ALKBH4: variants seen among roughly 807,000 people sequenced by gnomAD.
ALKBH4 encodes the protein alkB homolog 4, lysine demethylase.
Under a neutral mutation model 12.1 loss-of-function variants are expected in ALKBH4, and 8 were observed. That is an observed-to-expected ratio of 0.66 (90% CI 0.39 to 1.19). The LOEUF (loss-of-function observed/expected upper bound fraction) is 1.19. ALKBH4 is among the 50% of genes most tolerant of loss of function. The pLI is 0.01. For missense variants in ALKBH4, 403 were observed against 430.4 expected (o/e 0.94, Z 0.56); for synonymous variants, 195 against 191.6 (o/e 1.02, Z -0.15).
rs190658511 is a variant in ALKBH4 at position 102,460,014 on chromosome 7, C to T, written c.124-213G>A. Among the ~76,000 whole-genome samples, 4 of 152,054 alleles carry T rather than the reference C, an allele frequency of 2.6e-5. No individual in the cohort carries two copies. The East Asian group carries it at 5.8e-4, about 22-fold the overall frequency. On this transcript the variant is annotated intron_variant, in intron 1 of 2. Transcript: ENST00000292566. ...ACTAAAAATACAAAAATTAGCCAGG[C>T]ATGGTGGCAGGTGCCTGTAATCCCA...
In ALKBH4 at chr7:102,457,113, G is replaced by A; in HGVS notation, c.*281C>T. ...CAAAGTGTTAGGATTACAGGTGTGA[G>A]CCACTGTGCCCGGCCCCCAGTATTT... On this transcript the variant is annotated 3_prime_UTR_variant, in exon 3 of 3. Coordinates refer to ENST00000292566, the MANE Select transcript of ALKBH4 (RefSeq NM_017621.4). The surrounding 1 kb of genome is among the most constrained non-coding windows in gnomAD (Gnocchi z 5.9). 1 of 358,270 alleles carries A rather than the reference G, an allele frequency of 2.8e-6. No individual in the cohort carries two copies. Among genetic ancestry groups the A allele is most frequent in the Non-Finnish European group, 5.1e-6 (1 of 195,334 alleles). The allele number at this position is 358,270 out of a possible 1,614,324, so 22.2% of individuals were successfully genotyped here.
At position 102,457,159 on chromosome 7, in the gene ALKBH4, T is replaced by G. The variant is rs1563647103; in HGVS notation, c.*235A>C. The G allele has an allele frequency of 2.0e-6, 1 of 490,514 alleles. No individual in the cohort carries two copies. The highest frequency in any genetic ancestry group is 2.0e-5 in the African/African-American group (1 of 51,102). 30.4% of individuals were successfully genotyped at this position (490,514 alleles called of 1,614,324 possible). On this transcript the variant is annotated 3_prime_UTR_variant, in exon 3 of 3. Coordinates refer to ENST00000292566, the MANE Select transcript of ALKBH4 (RefSeq NM_017621.4). The surrounding 1 kb of genome is among the most constrained non-coding windows in gnomAD (Gnocchi z 5.9). ...TATTTTTTAAGCTCAAATGATCCCA[T>G]GTCCCCAAGACTGTGACAAACTAAA...
chr7:102,461,429 C>T (rs568300891), intron 1 of ALKBH4, among the ~76,000 whole-genome samples: 5 of 152,158 alleles, frequency 3.3e-5, no homozygotes, highest in South Asian at 4.1e-4. Flanking sequence ...GGCACGATCT[C>T]GGCTCACTGC....
rs142174091 is a variant in ALKBH4, at chr7:102,456,985, C to T, written c.*409G>A. 7.6e-5 allele frequency: 12 copies of T among 157,906 alleles called. No individual in the cohort carries two copies. The highest frequency in any genetic ancestry group is 1.9e-4 in the African/African-American group (8 of 41,700). The allele number at this position is 157,906 out of a possible 1,614,324, so 9.8% of individuals were successfully genotyped here. On this transcript the variant is annotated 3_prime_UTR_variant, in exon 3 of 3. Transcript: ENST00000292566. Reference sequence around the variant, plus strand: ...CTGGGATTACGGCTGTGAGTCACCACACCCGGCTAATTTTTGTAGTTTTTG... The same window carrying T: ...CTGGGATTACGGCTGTGAGTCACCATACCCGGCTAATTTTTGTAGTTTTTG...
intron 1 of ALKBH4, among the ~76,000 whole-genome samples, chr7:102,464,301 C>T (rs1797882869): frequency 1.3e-5 from 2 of 152,192 alleles, no homozygotes. Context: ...TGCAGCGATC[C>T]TTGAGTTCCT....
At chr7:102,461,392 G>A (rs779607377) in intron 1 of ALKBH4, among the ~76,000 whole-genome samples, 6 of 151,888 alleles carry the variant, frequency 4.0e-5, no homozygotes, top group Non-Finnish European at 7.4e-5. Context: ...ATGGAGTCTC[G>A]CTCTGTCACC....
At position 102,457,828 on chromosome 7, in the gene ALKBH4, A is replaced by C; in HGVS notation, c.475T>G (p.Cys159Gly). ...TCAATGGCAGAGCCCCGCTCGGGGC[A>C]GTAGTCCAGGTTGCACTGCTCGACG... Reference protein sequence around the residue: ...RPVEQCNLDYCPERGSAIDPH... With the variant: ...RPVEQCNLDYGPERGSAIDPH... The change falls in exon 3 of 3, where the codon TGC becomes GGC. Residue 159 changes from cysteine (C) to glycine (G), a missense_variant. Transcript: ENST00000292566. The surrounding 1 kb of genome is among the most constrained non-coding windows in gnomAD (Gnocchi z 5.9). 6.2e-7 allele frequency: 1 copy of C among 1,610,610 alleles called. No homozygotes were observed. The highest frequency in any genetic ancestry group is 1.1e-5 in the South Asian group (1 of 91,056).
At chr7:102,458,870 T>C (rs758394314) in intron 2 of ALKBH4, among the ~76,000 whole-genome samples, 1 of 152,124 alleles carries the variant, frequency 6.6e-6, no homozygotes, top group Non-Finnish European at 1.5e-5. Context: ...AGAATGGGGC[T>C]GGGCGCGGTG....
Position 102,456,473 on chromosome 7 carries a change from C to T in ALKBH4, c.*921G>A, listed in dbSNP as rs1469344121. ...CTCACTATGTTGCCCAGGCTGGCCTCAAGCAATCCTCCCACCTGAGCCCCG... is the reference window on the plus strand; with the variant it reads ...CTCACTATGTTGCCCAGGCTGGCCTTAAGCAATCCTCCCACCTGAGCCCCG... On this transcript the variant is annotated 3_prime_UTR_variant, in exon 3 of 3. Transcript: ENST00000292566. The T allele has an allele frequency of 6.6e-6, 1 of 152,184 alleles. No individual in the cohort carries two copies. The highest frequency in any genetic ancestry group is 2.4e-5 in the African/African-American group (1 of 41,442). 9.4% of individuals were successfully genotyped at this position (152,184 alleles called of 1,614,324 possible).
At chr7:102,459,552 G>T (rs1797744204) in intron 2 of ALKBH4, 52 bp downstream of exon 2, 13 of 1,554,728 alleles carry the variant, frequency 8.4e-6, no homozygotes, top group Non-Finnish European at 1.1e-5. Flanking sequence ...CAGCAGTAGG[G>T]CTGTCTCCTC....
intron 1 of ALKBH4, among the ~76,000 whole-genome samples, chr7:102,464,042 C>CT (rs1386122610): frequency 1.1e-4 from 16 of 151,926 alleles, no homozygotes; most frequent in Admixed American, 1.0e-3. Context: ...CAGACCTCCC[C>CT]CCCCCCACAA....
In ALKBH4 at chr7:102,457,747, G is replaced by A. The variant is rs764522928; in HGVS notation, c.556C>T (p.Leu186=). ...WGERLVSLNL[L]SPTVLSMCRE... The stretch of plus-strand genomic sequence containing the variant: ...CACATGGACAGCACGGTGGGGGACA[G>A]GAGGTTGAGGCTGACCAGCCGCTCC... The change falls in exon 3 of 3, where the codon CTG becomes TTG. Residue 186 remains leucine, a synonymous_variant. Transcript: ENST00000292566. This position sits in a 1 kb window ranked among gnomAD's most constrained non-coding sequence, Gnocchi z 5.9. 3.2e-6 allele frequency: 5 copies of A among 1,581,866 alleles called. No individual in the cohort carries two copies. The highest frequency in any genetic ancestry group is 4.3e-6 in the Non-Finnish European group (5 of 1,166,878).
intron 2 of ALKBH4, 58 bp from the exon 3 acceptor site, chr7:102,458,039 C>CAGACT: frequency 6.7e-7 from 1 of 1,492,832 alleles, no homozygotes; most frequent in East Asian, 2.3e-5. Flanking sequence ...ATGTCTACCA[C>CAGACT]AGACTAGGTG....
intron 1 of ALKBH4, among the ~76,000 whole-genome samples, chr7:102,463,859 A>G (rs1797864385): frequency 6.6e-6 from 1 of 152,236 alleles, no homozygotes; most frequent in South Asian, 2.1e-4. Context: ...ACGTTGGGGC[A>G]GTCTTCACTG....
chr7:102,459,814 C>T lies in ALKBH4; in HGVS notation c.124-13G>A. On this transcript the variant is annotated splice_polypyrimidine_tract_variant and intron_variant, in intron 1 of 2. Transcript: ENST00000292566. ...AACGGTATGTTTTCTGCAAAAGAAA[C>T]ACAAGTCCACAGGCTGGGCAACACA... The T allele has an allele frequency of 2.5e-6, 4 of 1,578,034 alleles. No individual in the cohort carries two copies. Among genetic ancestry groups the T allele is most frequent in the Non-Finnish European group, 3.4e-6 (4 of 1,160,866 alleles).
In ALKBH4 at chr7:102,459,762, C is replaced by T. The variant is rs780903673; in HGVS notation, c.163G>A (p.Ala55Thr). 1.9e-6 allele frequency: 3 copies of T among 1,611,872 alleles called. No individual in the cohort carries two copies. Among genetic ancestry groups the T allele is most frequent in the Middle Eastern group, 1.7e-4 (1 of 6,048 alleles). The change falls in exon 2 of 3, where the codon GCC becomes ACC. Residue 55 changes from alanine (A) to threonine (T), a missense_variant. Coordinates refer to ENST00000292566, the MANE Select transcript of ALKBH4 (RefSeq NM_017621.4). ...AAGTCAGACTCCTCTGTGCCCACGG[C>T]CCAGCCGGTGTCGGAGCAGTAAATG... ...RFIYCSDTGW[A>T]VGTEESDFEG...
intron 1 of ALKBH4, 33 bp downstream of exon 1, chr7:102,464,681 G>T: frequency 6.7e-7 from 1 of 1,494,552 alleles, no homozygotes; most frequent in African/African-American, 1.5e-5. Context: ...GCAGAGCGAC[G>T]TTTGTGGGCG....
At chr7:102,458,027 A>C in intron 2 of ALKBH4, 46 bp from the exon 3 acceptor site, 3 of 1,528,626 alleles carry the variant, frequency 2.0e-6, no homozygotes, top group Non-Finnish European at 2.6e-6. Flanking sequence ...GAGTTTACGA[A>C]GATGTCTACC....
chr7:102,459,358 T>C, intron 2 of ALKBH4: 1 of 420,826 alleles, frequency 2.4e-6, no homozygotes. Flanking sequence ...CCAAGCCAGC[T>C]ACAGAGGGGC....
Sources: gnomAD v4.1 joint callset for allele counts (sites outside exome capture counted in the v4.1 genomes callset) on GRCh38, gnomAD v4.1.1 for gene constraint, Gnocchi (gnomAD v3.1) non-coding constraint, MANE v1.5 for transcripts, NCBI Gene and HGNC (gene_info 2026-07-23, HGNC 2026-07-21) for gene names.